Variants in ASIC2 observed in about 807,000 individuals in gnomAD.
ASIC2 encodes the protein acid sensing ion channel subunit 2.
In ASIC2, 25 loss-of-function variants were observed where a neutral mutation model predicts 57.3. The ratio of observed to expected loss-of-function variants is 0.44; its 90% CI spans 0.32 to 0.61. The LOEUF (loss-of-function observed/expected upper bound fraction) is 0.61. Ranked by LOEUF, ASIC2 falls within the 20% of genes least tolerant of loss-of-function variation. The pLI is 0.06. For missense variants in ASIC2, 641 were observed against 738.1 expected (o/e 0.87, Z 1.52); for synonymous variants, 319 against 307.5 (o/e 1.04, Z -0.39).
intron 1 of ASIC2, among the ~76,000 whole-genome samples, chr17:34,084,894 C>A (rs1910043633): frequency 6.6e-6 from 1 of 152,132 alleles, no homozygotes; most frequent in African/African-American, 2.4e-5. Context: ...ATTTTGTATC[C>A]TGAGACTTTG....
At chr17:33,030,184 CT>C (rs1409312123) in intron 3 of ASIC2, among the ~76,000 whole-genome samples, 2 of 152,064 alleles carry the variant, frequency 1.3e-5, no homozygotes, top group Non-Finnish European at 2.9e-5. Context: ...TTTAATAAAT[CT>C]TTAGAAGTGT....
At chr17:33,554,529 G>A (rs1327386288) in intron 1 of ASIC2, among the ~76,000 whole-genome samples, 1 of 152,172 alleles carries the variant, frequency 6.6e-6, no homozygotes, top group Non-Finnish European at 1.5e-5. Flanking sequence ...GCACATGCAA[G>A]GATCCAAAAG....
chr17:33,878,662 A>T (rs1412844543), intron 1 of ASIC2, among the ~76,000 whole-genome samples: 4 of 152,252 alleles, frequency 2.6e-5, no homozygotes, highest in Admixed American at 1.3e-4. Flanking sequence ...GGGAGAATGG[A>T]ACCAAGTTGG....
chr17:33,710,818 G>T (rs533861091), intron 1 of ASIC2, among the ~76,000 whole-genome samples: 1 of 152,142 alleles, frequency 6.6e-6, no homozygotes, highest in Non-Finnish European at 1.5e-5. Flanking sequence ...ATGTTATAAG[G>T]CTTTTTCCCG....
chr17:33,248,642 G>T (rs1442320700), intron 1 of ASIC2, among the ~76,000 whole-genome samples: 1 of 152,176 alleles, frequency 6.6e-6, no homozygotes, highest in Non-Finnish European at 1.5e-5. Flanking sequence ...GGCTCCAAAG[G>T]AGAATCTGTT....
At chr17:33,754,262 G>C (rs996494711) in intron 1 of ASIC2, among the ~76,000 whole-genome samples, 3 of 152,048 alleles carry the variant, frequency 2.0e-5, no homozygotes, top group Non-Finnish European at 2.9e-5. Context: ...GGATGATGGT[G>C]GGGGGAGGGG....
At chr17:33,030,289 C>G (rs2091877560) in intron 3 of ASIC2, among the ~76,000 whole-genome samples, 1 of 152,166 alleles carries the variant, frequency 6.6e-6, no homozygotes, top group South Asian at 2.1e-4. Flanking sequence ...CCTGCCAACC[C>G]TCAGGCAACC....
chr17:33,493,003 A>G (rs906947322), intron 1 of ASIC2, among the ~76,000 whole-genome samples: 36 of 152,230 alleles, frequency 2.4e-4, no homozygotes, highest in African/African-American at 8.7e-4. Flanking sequence ...TGTCAGGGCT[A>G]TAGTCAGTCA....
At chr17:33,676,240 G>A (rs1907812606) in intron 1 of ASIC2, among the ~76,000 whole-genome samples, 3 of 152,090 alleles carry the variant, frequency 2.0e-5, no homozygotes, top group South Asian at 2.1e-4. Context: ...ATTAAAATTA[G>A]GCCAATTAAT....
rs200584306 is a variant in ASIC2 at position 33,939,627 on chromosome 17, G to T, written c.555+216351C>A. ...AAACTGGCTGTACTGGATTTCTACA[G>T]TGGAGTCAATTCCACAGAGCTGGTG... On this transcript the variant is annotated intron_variant, in intron 1 of 9. Transcript: ENST00000359872. Among the ~76,000 whole-genome samples, 4 of 152,198 alleles carry T rather than the reference G, an allele frequency of 2.6e-5. No homozygotes were observed. In the East Asian group the frequency reaches 7.7e-4, roughly 29 times the overall value.
intron 1 of ASIC2, among the ~76,000 whole-genome samples, chr17:33,698,573 G>C (rs1022754088): frequency 6.6e-6 from 1 of 152,172 alleles, no homozygotes; most frequent in African/African-American, 2.4e-5. Flanking sequence ...AGGAGAGAAA[G>C]TGTGAGACAT....
intron 1 of ASIC2, among the ~76,000 whole-genome samples, chr17:33,172,636 T>C (rs1023655450): frequency 6.6e-6 from 1 of 152,218 alleles, no homozygotes; most frequent in African/African-American, 2.4e-5. Flanking sequence ...TTTTCTCCCA[T>C]GCACGGAACT....
intron 1 of ASIC2, among the ~76,000 whole-genome samples, chr17:33,218,466 C>T (rs969949561): frequency 3.9e-5 from 6 of 152,164 alleles, no homozygotes; most frequent in Non-Finnish European, 7.3e-5. Context: ...AATAAGTCTC[C>T]GCTTCACCTT....
chr17:33,718,722 T>TG (rs1237160967), intron 1 of ASIC2, among the ~76,000 whole-genome samples: 1 of 150,768 alleles, frequency 6.6e-6, no homozygotes, highest in African/African-American at 2.4e-5. Context: ...AGGTGGGAGG[T>TG]GGGGGAGGAG....
intron 1 of ASIC2, among the ~76,000 whole-genome samples, chr17:33,190,212 C>T (rs8081259): frequency 0.28 from 42,202 of 151,876 alleles, 8,574 homozygotes; most frequent in African/African-American, 0.56. Context: ...AATTGAAATA[C>T]AAAAATCAAT....
chr17:34,064,550 T>C (rs999745259), intron 1 of ASIC2, among the ~76,000 whole-genome samples: 8 of 152,130 alleles, frequency 5.3e-5, no homozygotes, highest in Non-Finnish European at 1.0e-4. Flanking sequence ...TAAAGAGCTT[T>C]TTTTTTACAG....
At chr17:33,398,964 T>C (rs758930466) in intron 1 of ASIC2, among the ~76,000 whole-genome samples, 2 of 152,202 alleles carry the variant, frequency 1.3e-5, no homozygotes, top group Non-Finnish European at 2.9e-5. Context: ...CTGGGACATA[T>C]CATCACAGAT....
chr17:33,851,584 G>A (rs1228831531), intron 1 of ASIC2, among the ~76,000 whole-genome samples: 2 of 152,208 alleles, frequency 1.3e-5, no homozygotes, highest in Non-Finnish European at 2.9e-5. Context: ...GAAGATGCAG[G>A]AAAGGATTTG....
At chr17:33,471,566 T>C (rs1213463815) in intron 1 of ASIC2, among the ~76,000 whole-genome samples, 1 of 152,162 alleles carries the variant, frequency 6.6e-6, no homozygotes, top group Non-Finnish European at 1.5e-5. Context: ...CACAATACTA[T>C]GTTGTTAGTA....
Sources: gnomAD v4.1 joint callset for allele counts (sites outside exome capture counted in the v4.1 genomes callset) on GRCh38, gnomAD v4.1.1 for gene constraint, MANE v1.5 for transcripts, NCBI Gene and HGNC (gene_info 2026-07-23, HGNC 2026-07-21) for gene names.